DNAH5: variants seen among roughly 807,000 people sequenced by gnomAD.
DNAH5 encodes the protein axonemal beta dynein heavy chain 5.
DNAH5 carries 372 observed loss-of-function variants against 518.2 expected under a neutral mutation model. That is an observed-to-expected ratio of 0.72 (90% confidence interval 0.66 to 0.78). The LOEUF is 0.78. DNAH5 is among the 30% of genes least tolerant of loss of function. DNAH5 has a pLI of 0.00. For missense variants in DNAH5, 5,523 were observed against 5,687.0 expected, an observed-to-expected ratio of 0.97 and a Z score of 0.93; for synonymous variants, 2,039 against 2,025.9, an observed-to-expected ratio of 1.01 and a Z score of -0.17.
intron 1 of DNAH5, among the ~76,000 whole-genome samples, chr5:13,936,929 C>G (rs1778978332): frequency 6.6e-6 from 1 of 152,110 alleles, no homozygotes; most frequent in Non-Finnish European, 1.5e-5. Context: ...TTCCCAGACC[C>G]TCCTGAAGTG....
In DNAH5 at chr5:13,699,586, C is replaced by T. The variant is rs1175668668; in HGVS notation, c.13723+1054G>A. 1.3e-5 allele frequency among the ~76,000 whole-genome samples: 2 copies of T among 152,052 alleles called. 1 individual carries two copies. Among genetic ancestry groups the T allele is most frequent in the Non-Finnish European group, 2.9e-5 (2 of 68,034 alleles). On this transcript the variant is annotated intron_variant, in intron 78 of 78. Transcript: ENST00000265104. ...AAAATTAGCTGGATGTGGTGGTGCA[C>T]GCCTGTAATCCCAGCTACTCAGGAG...
rs1777028079 is a variant in DNAH5, at chr5:13,919,518, T to G, written c.799-166A>C. 1.4e-5 allele frequency: 10 copies of G among 705,104 alleles called. No homozygotes were observed. In the East Asian group the frequency reaches 2.9e-4, roughly 20 times the overall value. The allele number at this position is 705,104 out of a possible 1,614,324, so 43.7% of individuals were successfully genotyped here. A position where few individuals can be genotyped will look rare whatever the true frequency, so the allele number is the denominator to read the frequency against. ...CTTTTACTCACTTAGCATGCATCCA[T>G]TTTTAAAACTTCAACGAAAATCTCT... is the stretch of plus-strand genomic sequence containing the variant. On this transcript the variant is annotated intron_variant, in intron 6 of 78. Transcript: ENST00000265104.
At position 13,884,906 on chromosome 5, in the gene DNAH5, GCACACGTGCA is replaced by G. The variant is rs979798778; in HGVS notation, c.2983+73_2983+82del. The G allele has an allele frequency of 4.4e-5, 68 of 1,558,806 alleles. No individual in the cohort carries two copies. The African/African-American group carries it at 8.5e-4, about 19-fold the overall frequency. ...ATTTAACAGGAATGTACATGCACGT[GCACACGTGCA>G]CACACACACACACACACATACCCCA... On this transcript the variant is annotated intron_variant, in intron 19 of 78. Transcript: ENST00000265104.
intron 53 of DNAH5, among the ~76,000 whole-genome samples, chr5:13,778,582 G>GAAAGAAAGAAAGAAAGAAAGAA (rs1754539882): frequency 5.2e-5 from 4 of 76,920 alleles, no homozygotes; most frequent in Non-Finnish European, 8.6e-5. Flanking sequence ...AAGAAAGAAA[G>GAAAGAAAGAAAGAAAGAAAGAA]AAAGAAAGAA....
intron 19 of DNAH5, among the ~76,000 whole-genome samples, chr5:13,884,469 A>G (rs1263223474): frequency 6.6e-6 from 1 of 152,242 alleles, no homozygotes; most frequent in Non-Finnish European, 1.5e-5. Context: ...GAGAGTAGTA[A>G]TAGTATCTAC....
chr5:13,869,659 CA>C (rs1769793817), intron 24 of DNAH5, among the ~76,000 whole-genome samples: 1 of 152,096 alleles, frequency 6.6e-6, no homozygotes, highest in Non-Finnish European at 1.5e-5. Flanking sequence ...CATACACAGA[CA>C]TTAAAAGGAG....
chr5:13,727,489 T>G lies in DNAH5; in HGVS notation c.12033+18A>C. ...TAAAAATATTCTCTCATTTTTCTCT[T>G]TAATATGGACTTTTTACCTGGGCGA... is the stretch of plus-strand genomic sequence containing the variant. On this transcript the variant is annotated intron_variant, in intron 70 of 78. Coordinates refer to ENST00000265104, the MANE Select transcript of DNAH5 (RefSeq NM_001369.3). 6.2e-7 allele frequency: 1 copy of G among 1,605,304 alleles called. No homozygotes were observed. Among genetic ancestry groups the G allele is most frequent in the South Asian group, 1.1e-5 (1 of 89,276 alleles).
At chr5:13,795,095 G>T (rs187539671) in intron 47 of DNAH5, among the ~76,000 whole-genome samples, 1 of 152,168 alleles carries the variant, frequency 6.6e-6, no homozygotes, top group African/African-American at 2.4e-5. Context: ...ACAAGAGAAA[G>T]CAGGAAAGAT....
At chr5:13,820,603 T>C in intron 40 of DNAH5, 104 bp from the exon 41 acceptor site, 1 of 1,345,054 alleles carries the variant, frequency 7.4e-7, no homozygotes, top group Non-Finnish European at 1.0e-6. Context: ...GGCGGGCAGA[T>C]CACAAGGTCA....
At chr5:13,975,673 C>A (rs1782190201) in intron 1 of DNAH5, among the ~76,000 whole-genome samples, 1 of 152,160 alleles carries the variant, frequency 6.6e-6, no homozygotes, top group African/African-American at 2.4e-5. Flanking sequence ...TTCTGTTTTG[C>A]AGTCTTCAGT....
At chr5:13,867,721 A>T (rs1769478228) in intron 25 of DNAH5, 53 bp downstream of exon 25, 9 of 1,329,034 alleles carry the variant, frequency 6.8e-6, no homozygotes, top group East Asian at 4.6e-5. Flanking sequence ...TACATTTTGC[A>T]TGTTGTATTC....
intron 1 of DNAH5, among the ~76,000 whole-genome samples, chr5:13,995,475 C>A (rs573129905): frequency 3.3e-5 from 5 of 152,068 alleles, no homozygotes; most frequent in Admixed American, 3.3e-4. Context: ...TTTAGTGGGG[C>A]CTGAGGCTTA....
At chr5:13,698,523 G>A (rs1741665086) in intron 78 of DNAH5, among the ~76,000 whole-genome samples, 1 of 152,146 alleles carries the variant, frequency 6.6e-6, no homozygotes, top group African/African-American at 2.4e-5. Context: ...TCTGTTTAAG[G>A]ATATCTTTTT....
At chr5:13,988,486 C>A (rs540021690) in intron 1 of DNAH5, among the ~76,000 whole-genome samples, 15 of 151,818 alleles carry the variant, frequency 9.9e-5, no homozygotes, top group African/African-American at 3.6e-4. Context: ...GGCATGATCT[C>A]AGCTCACTGC....
At chr5:13,904,191 A>G (rs1426481700) in intron 12 of DNAH5, among the ~76,000 whole-genome samples, 1 of 151,240 alleles carries the variant, frequency 6.6e-6, no homozygotes, top group African/African-American at 2.4e-5. Flanking sequence ...AAAAAGGAAA[A>G]AGTCAAAGAA....
chr5:13,779,168 T>C (rs1380245167), intron 53 of DNAH5, among the ~76,000 whole-genome samples: 2 of 152,212 alleles, frequency 1.3e-5, no homozygotes, highest in East Asian at 3.8e-4. Context: ...TTTATACAAA[T>C]GTTAGGAACA....
At chr5:13,728,440 G>A (rs554204766) in intron 69 of DNAH5, among the ~76,000 whole-genome samples, 1 of 152,294 alleles carries the variant, frequency 6.6e-6, no homozygotes, top group Non-Finnish European at 1.5e-5. Flanking sequence ...AAAGTACCAT[G>A]TAAGAATAAA....
chr5:14,002,325 T>C (rs1191611561), intron 1 of DNAH5, among the ~76,000 whole-genome samples: 2 of 152,214 alleles, frequency 1.3e-5, no homozygotes, highest in African/African-American at 4.8e-5. Context: ...GAAGAGATCA[T>C]TATGTTTGGG....
Position 13,824,225 on chromosome 5 carries a change from G to A in DNAH5, c.6553C>T (p.Leu2185=), listed in dbSNP as rs1254706379. ...AGTTTAGAAAGATTCATGTCCCGTA[G>A]TACACGCATGACAATCGTGGACTCC... is the stretch of plus-strand genomic sequence containing the variant. ...DTESTIVMRV[L]RDMNLSKLID... The change falls in exon 39 of 79, where the codon CTA becomes TTA. Residue 2185 remains leucine, a synonymous_variant. Coordinates refer to ENST00000265104, the MANE Select transcript of DNAH5 (RefSeq NM_001369.3). 1.2e-5 allele frequency: 19 copies of A among 1,613,962 alleles called. No homozygotes were observed. Among genetic ancestry groups the A allele is most frequent in the Non-Finnish European group, 1.6e-5 (19 of 1,179,984 alleles).
Sources: allele counts gnomAD v4.1 joint callset (sites outside exome capture counted in the v4.1 genomes callset), GRCh38; gene constraint gnomAD v4.1.1; transcripts MANE v1.5; gene names NCBI Gene and HGNC (gene_info 2026-07-23, HGNC 2026-07-21).